Variants in VKORC1L1 observed in about 807,000 individuals in gnomAD.
VKORC1L1 encodes vitamin K epoxide reductase complex subunit 1L1.
In VKORC1L1, 2 loss-of-function variants were observed where a neutral mutation model predicts 18.9. That is an observed-to-expected ratio of 0.11 (90% CI 0.04 to 0.33). The LOEUF (loss-of-function observed/expected upper bound fraction) is 0.33, where lower values mean the gene tolerates loss of function less well. Ranked by LOEUF, VKORC1L1 falls within the 10% of genes least tolerant of loss-of-function variation. VKORC1L1 has a pLI of 1.00. For missense variants in VKORC1L1, 123 were observed against 224.1 expected, an observed-to-expected ratio of 0.55 and a Z score of 2.88; for synonymous variants, 96 against 100.0, an observed-to-expected ratio of 0.96 and a Z score of 0.24.
chr7:65,953,644 C>T (rs545797417), intron 2 of VKORC1L1, among the ~76,000 whole-genome samples: 4 of 152,242 alleles, frequency 2.6e-5, no homozygotes, highest in South Asian at 2.1e-4. Flanking sequence ...CCTGTAATCC[C>T]GGCACTTTGG....
At chr7:65,910,341 T>C (rs1403093047) in intron 1 of VKORC1L1, among the ~76,000 whole-genome samples, 1 of 150,058 alleles carries the variant, frequency 6.7e-6, no homozygotes, top group African/African-American at 2.4e-5. Flanking sequence ...ACACACATAC[T>C]GTTTAGTTCA....
chr7:65,910,736 T>C (rs1038463807), intron 1 of VKORC1L1, among the ~76,000 whole-genome samples: 3 of 152,202 alleles, frequency 2.0e-5, no homozygotes, highest in Admixed American at 6.5e-5. Context: ...AAGCTGTGCT[T>C]TCATTGGAAA....
intron 1 of VKORC1L1, among the ~76,000 whole-genome samples, chr7:65,911,334 A>C (rs1283804587): frequency 1.3e-5 from 2 of 152,234 alleles, no homozygotes; most frequent in African/African-American, 4.8e-5. Flanking sequence ...TGCAAAATTA[A>C]GTAGTTATAA....
At chr7:65,924,906 G>A (rs533862048) in intron 1 of VKORC1L1, among the ~76,000 whole-genome samples, 4 of 152,104 alleles carry the variant, frequency 2.6e-5, no homozygotes, top group South Asian at 2.1e-4. Context: ...TCCTGTTACC[G>A]TTCTCTCTCC....
intron 1 of VKORC1L1, among the ~76,000 whole-genome samples, chr7:65,947,452 G>T (rs1790140297): frequency 6.8e-6 from 1 of 146,074 alleles, no homozygotes; most frequent in South Asian, 2.2e-4. Context: ...AAGCACTCTC[G>T]TTCAATCCAG....
intron 1 of VKORC1L1, among the ~76,000 whole-genome samples, chr7:65,922,846 G>A (rs1011865284): frequency 1.3e-4 from 19 of 151,952 alleles, no homozygotes; most frequent in Non-Finnish European, 1.9e-4. Context: ...ATTTTCTTTC[G>A]TTTTCAGAAA....
intron 1 of VKORC1L1, among the ~76,000 whole-genome samples, chr7:65,880,688 T>C (rs1355121031): frequency 6.6e-6 from 1 of 152,076 alleles, no homozygotes; most frequent in African/African-American, 2.4e-5. Flanking sequence ...TCCTCAATCA[T>C]TAGGAAGAAC....
chr7:65,917,702 A>G (rs1410418661), intron 1 of VKORC1L1, among the ~76,000 whole-genome samples: 1 of 152,118 alleles, frequency 6.6e-6, no homozygotes, highest in Non-Finnish European at 1.5e-5. Flanking sequence ...ACAATTATCT[A>G]CCCCTGTATC....
chr7:65,946,549 G>C (rs1027758735), intron 1 of VKORC1L1, among the ~76,000 whole-genome samples: 1 of 152,178 alleles, frequency 6.6e-6, no homozygotes, highest in Non-Finnish European at 1.5e-5. Context: ...ACCCCAGAGT[G>C]ATTGTGCTTT....
intron 1 of VKORC1L1, among the ~76,000 whole-genome samples, chr7:65,898,056 C>T (rs1450376570): frequency 1.5e-5 from 2 of 135,398 alleles, no homozygotes; most frequent in East Asian, 4.7e-4. Flanking sequence ...TTGATACAGT[C>T]ATACAGTAAA....
At chr7:65,933,077 C>CAAAAA (rs59403784) in intron 1 of VKORC1L1, among the ~76,000 whole-genome samples, 27 of 65,308 alleles carry the variant, frequency 4.1e-4, no homozygotes, top group Admixed American at 5.0e-4. Context: ...GACTTCGTCT[C>CAAAAA]AAAAAAAAAA....
chr7:65,890,803 A>G (rs535316203), intron 1 of VKORC1L1, among the ~76,000 whole-genome samples: 12 of 152,372 alleles, frequency 7.9e-5, no homozygotes, highest in Admixed American at 6.5e-4. Context: ...TGGTAGGTAC[A>G]TAATGGGTTT....
At chr7:65,876,453 G>C (rs1185617699) in intron 1 of VKORC1L1, among the ~76,000 whole-genome samples, 1 of 150,440 alleles carries the variant, frequency 6.6e-6, no homozygotes, top group Non-Finnish European at 1.5e-5. Flanking sequence ...AGTAAGCCAA[G>C]ATCGCGCCAT....
At chr7:65,949,914 T>A (rs556261999) in intron 2 of VKORC1L1, among the ~76,000 whole-genome samples, 7 of 152,110 alleles carry the variant, frequency 4.6e-5, no homozygotes, top group Non-Finnish European at 1.0e-4. Flanking sequence ...TTTAAAGACC[T>A]CCTGCTCCTT....
intron 1 of VKORC1L1, among the ~76,000 whole-genome samples, chr7:65,911,800 T>C (rs898116276): frequency 3.9e-5 from 6 of 152,186 alleles, no homozygotes; most frequent in Admixed American, 2.6e-4. Context: ...TAACAAATAA[T>C]TCATAGACCA....
At chr7:65,875,256 A>G (rs1352986187) in intron 1 of VKORC1L1, among the ~76,000 whole-genome samples, 1 of 152,242 alleles carries the variant, frequency 6.6e-6, no homozygotes, top group African/African-American at 2.4e-5. Flanking sequence ...ATGAATTTAC[A>G]AATCAACTTG....
intron 1 of VKORC1L1, among the ~76,000 whole-genome samples, chr7:65,913,611 A>G (rs1789538616): frequency 6.6e-6 from 1 of 151,528 alleles, no homozygotes; most frequent in Non-Finnish European, 1.5e-5. Flanking sequence ...CTGTAATCCC[A>G]GCTACTCAGA....
chr7:65,874,866 G>A (rs1198485090), intron 1 of VKORC1L1, among the ~76,000 whole-genome samples: 1 of 152,096 alleles, frequency 6.6e-6, no homozygotes, highest in Non-Finnish European at 1.5e-5. Context: ...TTAAAAAAGT[G>A]TATTTAGCAT....
At chr7:65,868,133 C>T (rs190777330), upstream of VKORC1L1, among the ~76,000 whole-genome samples, 198 of 152,286 alleles carry the variant, frequency 1.3e-3, no homozygotes, top group Admixed American at 2.2e-3. Context: ...AGGTGTCAGC[C>T]ACCACACCTA....
Sources: allele counts gnomAD v4.1 joint callset (sites outside exome capture counted in the v4.1 genomes callset), GRCh38; gene constraint gnomAD v4.1.1; transcripts MANE v1.5; gene names NCBI Gene and HGNC (gene_info 2026-07-23, HGNC 2026-07-21).